LINGO2: variants seen among roughly 807,000 people sequenced by gnomAD.
The protein encoded by LINGO2 is leucine rich repeat and Ig domain containing 2, also known as leucine-rich repeat and immunoglobulin-like domain-containing nogo receptor-interacting protein 2.
A neutral mutation model predicts 30.6 loss-of-function variants in LINGO2; 14 were observed. The observed-to-expected ratio is 0.46, with a 90% CI of 0.30 to 0.72. The LOEUF (loss-of-function observed/expected upper bound fraction) is 0.72. Ranked by LOEUF, LINGO2 falls within the 30% of genes least tolerant of loss-of-function variation. The pLI, the probability that LINGO2 is intolerant of heterozygous loss-of-function variation, is 0.07. For missense variants in LINGO2, 729 were observed against 751.7 expected (o/e 0.97, Z 0.35); for synonymous variants, 317 against 288.5 (o/e 1.10, Z -1.00).
At chr9:28,875,980 T>C in the LINGO2 span, among the ~76,000 whole-genome samples, 2 of 152,120 alleles carry the variant, frequency 1.3e-5, no homozygotes, top group Non-Finnish European at 2.9e-5. Flanking sequence ...TGACATTTCA[T>C]GTTTTATATT....
intron 4 of LINGO2, among the ~76,000 whole-genome samples, chr9:28,235,123 C>T (rs1236220416): frequency 6.6e-6 from 1 of 152,124 alleles, no homozygotes; most frequent in Admixed American, 6.5e-5. Flanking sequence ...TGGTGGTGGC[C>T]ACAAGGGTGC....
chr9:28,994,916 C>G, the LINGO2 span, among the ~76,000 whole-genome samples: 3 of 152,212 alleles, frequency 2.0e-5, no homozygotes, highest in African/African-American at 7.2e-5. Context: ...CATAAAAACC[C>G]TAGAAGAAAA....
intron 4 of LINGO2, among the ~76,000 whole-genome samples, chr9:28,086,165 G>A (rs544072396): frequency 5.9e-5 from 9 of 151,956 alleles, no homozygotes; most frequent in African/African-American, 1.4e-4. Context: ...CATACTACAA[G>A]CATATATTGT....
intron 2 of LINGO2, among the ~76,000 whole-genome samples, chr9:28,439,344 G>A (rs541946035): frequency 2.6e-5 from 4 of 151,850 alleles, no homozygotes; most frequent in South Asian, 2.1e-4. Flanking sequence ...TCTGGCAGTC[G>A]TTAGTGCTGT....
intron 3 of LINGO2, among the ~76,000 whole-genome samples, chr9:28,371,191 T>C (rs1820881181): frequency 6.6e-6 from 1 of 152,230 alleles, no homozygotes; most frequent in African/African-American, 2.4e-5. Context: ...TAATTAAGTT[T>C]TACCATTTAT....
chr9:29,023,149 G>T, the LINGO2 span, among the ~76,000 whole-genome samples: 1 of 152,008 alleles, frequency 6.6e-6, no homozygotes, highest in Non-Finnish European at 1.5e-5. Context: ...GGACACAACC[G>T]CATGGCCAAA....
At position 28,237,124 on chromosome 9, in the gene LINGO2, G is replaced by GA. The variant is rs369633626; in HGVS notation, c.-87+58083_-87+58084insT. 2.2e-3 allele frequency among the ~76,000 whole-genome samples: 292 copies of GA among 132,056 alleles called. 8 individuals carry two copies. Among genetic ancestry groups the GA allele is most frequent in the African/African-American group, 8.8e-3 (281 of 31,826 alleles). 86.6% of individuals were successfully genotyped at this position (132,056 alleles called of 152,430 possible). On this transcript the variant is annotated intron_variant, in intron 4 of 5. Coordinates refer to ENST00000379992, the Ensembl canonical transcript of LINGO2. ...CAAAATAGTTAAACAGTGCGGGGGG[G>GA]GGGTAAAGTTAAATGTAGGATTTTT...
At chr9:28,868,731 G>T in the LINGO2 span, among the ~76,000 whole-genome samples, 1 of 152,120 alleles carries the variant, frequency 6.6e-6, no homozygotes, top group African/African-American at 2.4e-5. Context: ...TGGAACAGCA[G>T]TTCAGCTGAG....
chr9:28,311,725 T>G (rs953479700), intron 3 of LINGO2, among the ~76,000 whole-genome samples: 3 of 152,316 alleles, frequency 2.0e-5, no homozygotes, highest in South Asian at 4.1e-4. Context: ...GATTTCATAT[T>G]GTTCAAACAC....
chr9:28,279,584 T>A (rs1187846325), intron 4 of LINGO2, among the ~76,000 whole-genome samples: 1 of 152,184 alleles, frequency 6.6e-6, no homozygotes, highest in African/African-American at 2.4e-5. Flanking sequence ...TTAATTAAGA[T>A]ATGTACATTG....
chr9:28,709,227 G>T, the LINGO2 span, among the ~76,000 whole-genome samples: 21 of 150,970 alleles, frequency 1.4e-4, no homozygotes, highest in Admixed American at 6.0e-4. Context: ...AAAGTGTTTT[G>T]TTTTGTTTTT....
intron 1 of LINGO2, among the ~76,000 whole-genome samples, chr9:28,633,849 T>C (rs1827117931): frequency 6.6e-6 from 1 of 152,192 alleles, no homozygotes; most frequent in African/African-American, 2.4e-5. Context: ...TCAATGAATA[T>C]TTCTTGAATG....
intron 3 of LINGO2, among the ~76,000 whole-genome samples, chr9:28,319,172 C>T (rs1824948620): frequency 6.6e-6 from 1 of 152,142 alleles, no homozygotes; most frequent in Non-Finnish European, 1.5e-5. Flanking sequence ...AAATTTAACA[C>T]AATGTATAAT....
the LINGO2 span, among the ~76,000 whole-genome samples, chr9:29,027,644 G>T: frequency 1.3e-5 from 2 of 152,100 alleles, no homozygotes; most frequent in African/African-American, 4.8e-5. Flanking sequence ...GGCCAGATAT[G>T]AGTTTATATA....
intron 5 of LINGO2, among the ~76,000 whole-genome samples, chr9:27,986,127 T>C (rs763528453): frequency 2.0e-5 from 3 of 150,818 alleles, no homozygotes; most frequent in Non-Finnish European, 4.4e-5. Context: ...TTACAAACCT[T>C]GGGGTGGAGC....
At chr9:29,201,613 A>AAAAG in the LINGO2 span, among the ~76,000 whole-genome samples, 5 of 105,222 alleles carry the variant, frequency 4.8e-5, no homozygotes, top group Non-Finnish European at 8.6e-5. Context: ...GGGAAAATCC[A>AAAAG]ATAGAAAGAG....
the LINGO2 span, among the ~76,000 whole-genome samples, chr9:28,948,611 T>C: frequency 6.6e-6 from 1 of 152,028 alleles, no homozygotes; most frequent in African/African-American, 2.4e-5. Flanking sequence ...TCACATAAAA[T>C]ACAATGAAAT....
At chr9:28,171,797 A>C (rs1262476595) in intron 4 of LINGO2, among the ~76,000 whole-genome samples, 1 of 150,760 alleles carries the variant, frequency 6.6e-6, no homozygotes, top group East Asian at 2.0e-4. Flanking sequence ...TCACGAGGTC[A>C]GGAGATGGAC....
At chr9:28,989,480 A>T in the LINGO2 span, among the ~76,000 whole-genome samples, 1 of 152,196 alleles carries the variant, frequency 6.6e-6, no homozygotes, top group African/African-American at 2.4e-5. Context: ...ATCACCAGGT[A>T]ACATATTAGA....
Sources: gnomAD v4.1 joint callset for allele counts (sites outside exome capture counted in the v4.1 genomes callset) on GRCh38, gnomAD v4.1.1 for gene constraint, MANE v1.5 for transcripts, NCBI Gene and HGNC (gene_info 2026-07-23, HGNC 2026-07-21) for gene names.